NLRP1: variants seen among roughly 807,000 people sequenced by gnomAD.
NLRP1 encodes the protein NLR family pyrin domain containing 1, also known as NACHT, LRR and PYD domains-containing protein 1.
In NLRP1, 94 loss-of-function variants were observed where a neutral mutation model predicts 136.7. The ratio of observed to expected loss-of-function variants is 0.69; its 90% CI spans 0.58 to 0.82. The LOEUF (loss-of-function observed/expected upper bound fraction) is 0.82, where lower values mean the gene tolerates loss of function less well. Among genes scored for constraint, NLRP1 ranks in the 40% least tolerant of loss-of-function variants. NLRP1 has a pLI of 0.00. For synonymous variants in NLRP1, 690 were observed against 725.1 expected (o/e 0.95, Z 0.78); for missense variants, 1,575 against 1,802.7 (o/e 0.87, Z 2.29).
chr17:5,511,740 C>CTCCT (rs1907644319), downstream of NLRP1, among the ~76,000 whole-genome samples: 1 of 151,770 alleles, frequency 6.6e-6, no homozygotes, highest in South Asian at 2.1e-4. Context: ...CTTTCCCTCC[C>CTCCT]TCCCTTTCTC....
intron 8 of NLRP1, among the ~76,000 whole-genome samples, chr17:5,535,226 A>AG (rs1910891043): frequency 6.6e-6 from 1 of 151,926 alleles, no homozygotes; most frequent in East Asian, 1.9e-4. Flanking sequence ...TCTCAAAAAA[A>AG]AAAAAGACAC....
rs544965096 is a variant in NLRP1, at chr17:5,560,145, C to T, written c.653-102G>A. 63 of 1,083,526 alleles carry T rather than the reference C, an allele frequency of 5.8e-5. No individual in the cohort carries two copies. The South Asian group carries it at 8.7e-4, about 15-fold the overall frequency. 67.1% of individuals were successfully genotyped at this position (1,083,526 alleles called of 1,614,324 possible). A position where few individuals can be genotyped will look rare whatever the true frequency, so the allele number is the denominator to read the frequency against. ...GGCACCTACTCCAAGCCACACACTG[C>T]GCTGTCTGCAGACACTGGTATGTTC... On this transcript the variant is annotated intron_variant, in intron 3 of 16. Coordinates refer to ENST00000572272, the MANE Select transcript of NLRP1 (RefSeq NM_033004.4).
Position 5,579,961 on chromosome 17 carries a change from C to T in NLRP1, c.652+1898G>A, listed in dbSNP as rs182496935. Among the ~76,000 whole-genome samples, 387 of 152,224 alleles carry T rather than the reference C, an allele frequency of 2.5e-3. 2 individuals carry two copies. The highest frequency in any genetic ancestry group is 4.8e-3 in the Admixed American group (74 of 15,292). ...GATTAAAAAACTACCGGGCCGGGCGCGGTGGCTCACACCTGTAATCCTAGC... is the reference window on the plus strand; with the variant it reads ...GATTAAAAAACTACCGGGCCGGGCGTGGTGGCTCACACCTGTAATCCTAGC... On this transcript the variant is annotated intron_variant, in intron 3 of 16. Coordinates refer to ENST00000572272, the MANE Select transcript of NLRP1 (RefSeq NM_033004.4).
In NLRP1 at chr17:5,582,850, C is replaced by G; in HGVS notation, c.272-4G>C. ...TAGGGGAATGAGGGAGAGTGGCCTA[C>G]AGGAAAGAGACAAAGAGGTTGGAGA... On this transcript the variant is annotated splice_region_variant and splice_polypyrimidine_tract_variant and intron_variant, in intron 1 of 16. Coordinates refer to ENST00000572272, the MANE Select transcript of NLRP1 (RefSeq NM_033004.4). The G allele has an allele frequency of 6.2e-7, 1 of 1,600,006 alleles. No individual in the cohort carries two copies.
At chr17:5,577,778 C>G (rs1905166032) in intron 3 of NLRP1, among the ~76,000 whole-genome samples, 1 of 152,146 alleles carries the variant, frequency 6.6e-6, no homozygotes, top group Admixed American at 6.5e-5. Flanking sequence ...TCATATGGAA[C>G]CAAAAAAGAG....
At chr17:5,512,242 C>T, downstream of NLRP1, 4 of 1,518,552 alleles carry the variant, frequency 2.6e-6, no homozygotes, top group Non-Finnish European at 3.7e-6. Flanking sequence ...AGCATAGAGT[C>T]CTTTGGGATT....
At chr17:5,518,955 C>T (rs188973556) in intron 14 of NLRP1, among the ~76,000 whole-genome samples, 1 of 151,806 alleles carries the variant, frequency 6.6e-6, no homozygotes, top group Non-Finnish European at 1.5e-5. Context: ...TCTCCTGCCT[C>T]AGCCTCCTGA....
In NLRP1 at chr17:5,559,530, G is replaced by C. The variant is rs757659033; in HGVS notation, c.1166C>G (p.Thr389Arg). 5.0e-6 allele frequency: 8 copies of C among 1,614,172 alleles called. No individual in the cohort carries two copies. Among genetic ancestry groups the C allele is most frequent in the Non-Finnish European group, 6.8e-6 (8 of 1,180,000 alleles). The change falls in exon 4 of 17, where the codon ACA becomes AGA. Residue 389 changes from threonine (T) to arginine (R), a missense_variant. By Grantham distance (71) the Thr-to-Arg change is moderately conservative. Coordinates refer to ENST00000572272, the MANE Select transcript of NLRP1 (RefSeq NM_033004.4). ...CTGTCTAATGGGAGCCGGAGTGGCT[G>C]TCCCATCTTTTCCGATGAGCTCAGC... ...SLAELIGKDGTATPAPIRQIL... is the reference protein window; with the variant it reads ...SLAELIGKDGRATPAPIRQIL...
At chr17:5,572,953 C>T (rs535281470) in intron 3 of NLRP1, among the ~76,000 whole-genome samples, 19 of 152,260 alleles carry the variant, frequency 1.2e-4, no homozygotes, top group Admixed American at 1.2e-3. Context: ...CTCACTGGGG[C>T]TTGTCAGACA....
intron 12 of NLRP1, among the ~76,000 whole-genome samples, chr17:5,530,276 T>A (rs1910074216): frequency 6.6e-6 from 1 of 152,216 alleles, no homozygotes; most frequent in Non-Finnish European, 1.5e-5. Context: ...TAGGCAGATA[T>A]AATTATGAGG....
At position 5,533,330 on chromosome 17, in the gene NLRP1, T is replaced by G; in HGVS notation, c.3107A>C (p.Lys1036Thr). The G allele has an allele frequency of 1.3e-6, 2 of 1,510,686 alleles. No homozygotes were observed. Among genetic ancestry groups the G allele is most frequent in the Non-Finnish European group, 1.8e-6 (2 of 1,109,574 alleles). 93.6% of individuals were successfully genotyped at this position (1,510,686 alleles called of 1,614,324 possible). Residue 1036 changes from lysine to threonine, a missense_variant, in exon 10 of 17, where the codon AAG becomes ACG. Transcript: ENST00000572272. ...QANLKLLDVS[K>T]IFPIAEIAEE... ...TGCAATCTCAGCAATTGGGAAGATC[T>G]TGCTCACGTCCAGGAGTTTGAGATT... is the stretch of plus-strand genomic sequence containing the variant.
In NLRP1 at chr17:5,559,467, T is replaced by C. The variant is rs889627229; in HGVS notation, c.1229A>G (p.Asp410Gly). 2 of 1,614,150 alleles carry C rather than the reference T, an allele frequency of 1.2e-6. No homozygotes were observed. The highest frequency in any genetic ancestry group is 8.5e-7 in the Non-Finnish European group (1 of 1,180,002). Residue 410 changes from aspartate (D) to glycine (G), a missense_variant, in exon 4 of 17, where the codon GAT becomes GGT. Coordinates refer to ENST00000572272, the MANE Select transcript of NLRP1 (RefSeq NM_033004.4). ...SRPERLLFIL[D>G]GVDEPGWVLQ... Reference sequence around the variant, plus strand: ...GACCCATCCTGGCTCATCTACACCATCGAGGATGAAGAGCAGCCGCTCTGG... The same window carrying C: ...GACCCATCCTGGCTCATCTACACCACCGAGGATGAAGAGCAGCCGCTCTGG...
At chr17:5,543,862 A>G (rs1912194167) in intron 5 of NLRP1, among the ~76,000 whole-genome samples, 2 of 152,186 alleles carry the variant, frequency 1.3e-5, no homozygotes, top group South Asian at 4.1e-4. Flanking sequence ...TCACTTACTG[A>G]GAAAGCAGAT....
intron 15 of NLRP1, among the ~76,000 whole-genome samples, chr17:5,517,298 A>G (rs1908238184): frequency 7.4e-6 from 1 of 135,458 alleles, no homozygotes; most frequent in Non-Finnish European, 1.5e-5. Context: ...CCTACCTCCT[A>G]CCTCCTGTGG....
intron 5 of NLRP1, among the ~76,000 whole-genome samples, chr17:5,550,939 T>C (rs1415272117): frequency 6.6e-6 from 1 of 152,072 alleles, no homozygotes; most frequent in Non-Finnish European, 1.5e-5. Context: ...ATATACTCCC[T>C]GTCCCCACAT....
rs746324785 is a variant in NLRP1, at chr17:5,530,461, T to C, written c.3520+20A>G. On this transcript the variant is annotated intron_variant, in intron 12 of 16. Transcript: ENST00000572272. ...CCATAATTACCACCACCTTCCTCCC[T>C]ATCCTTCCCTGTTGTTTACCTTGGA... 4.4e-6 allele frequency: 7 copies of C among 1,602,282 alleles called. No homozygotes were observed. In the South Asian group the frequency reaches 7.7e-5, roughly 18 times the overall value.
In NLRP1 at chr17:5,576,664, C is replaced by G. The variant is rs561541970; in HGVS notation, c.652+5195G>C. On this transcript the variant is annotated intron_variant, in intron 3 of 16. Coordinates refer to ENST00000572272, the MANE Select transcript of NLRP1 (RefSeq NM_033004.4). ...CTACCAATCCAGACGGATTCACAGC[C>G]AAATTCTACCAGACGTACAAGGAGG... is the stretch of plus-strand genomic sequence containing the variant. Among the ~76,000 whole-genome samples the G allele has an allele frequency of 2.6e-5, 4 of 152,118 alleles. No individual in the cohort carries two copies. The South Asian group carries it at 8.3e-4, about 32-fold the overall frequency.
intron 3 of NLRP1, among the ~76,000 whole-genome samples, chr17:5,566,876 T>A (rs1274198468): frequency 2.0e-5 from 3 of 152,164 alleles, no homozygotes; most frequent in Non-Finnish European, 2.9e-5. Flanking sequence ...AAAATTGTTA[T>A]ATCCTCTTGC....
chr17:5,507,818 G>A (rs555152677), intron 15 of NLRP1, among the ~76,000 whole-genome samples: 2 of 152,216 alleles, frequency 1.3e-5, no homozygotes, highest in South Asian at 2.1e-4. Context: ...GCAACAAAGC[G>A]AGACTCCGTC....
Sources: allele counts gnomAD v4.1 joint callset (sites outside exome capture counted in the v4.1 genomes callset), GRCh38; gene constraint gnomAD v4.1.1; transcripts MANE v1.5; gene names NCBI Gene and HGNC (gene_info 2026-07-23, HGNC 2026-07-21).